The following MKLN1 variants were observed in gnomAD, a reference collection of about 807,000 sequenced individuals.
MKLN1 encodes the protein muskelin.
In MKLN1, 18 loss-of-function variants were observed where a neutral mutation model predicts 99.0. The observed-to-expected ratio is 0.18, with a 90% confidence interval of 0.13 to 0.27. The LOEUF (loss-of-function observed/expected upper bound fraction) is 0.27, where lower values mean the gene tolerates loss of function less well. Ranked by LOEUF, MKLN1 falls within the 10% of genes least tolerant of loss-of-function variation. The probability of loss-of-function intolerance (pLI) is 1.00; values close to 1 mark genes in which losing one functional copy is unlikely to be tolerated. For missense variants in MKLN1, 621 were observed against 875.9 expected (o/e 0.71, Z 3.67); for synonymous variants, 288 against 293.2 (o/e 0.98, Z 0.18).
chr7:131,325,382 C>A (rs183143742), upstream of MKLN1, among the ~76,000 whole-genome samples: 56 of 152,152 alleles, frequency 3.7e-4, no homozygotes, highest in East Asian at 8.3e-3. Context: ...CACCTAATCC[C>A]AGAGCAGGTG....
At chr7:131,280,443 C>T (rs1033627039) in intron 3 of MKLN1, among the ~76,000 whole-genome samples, 1 of 152,162 alleles carries the variant, frequency 6.6e-6, no homozygotes, top group Non-Finnish European at 1.5e-5. Context: ...ATGAGGGTTC[C>T]AGTTTCTCCA....
chr7:131,310,455 T>G (rs1473185371), intron 3 of MKLN1: 2 of 152,246 alleles, frequency 1.3e-5, no homozygotes, highest in African/African-American at 4.8e-5. Context: ...CATTGATTTA[T>G]AGCTGCCATC....
At chr7:131,192,286 ATATATACAATATAT>A in intron 2 of MKLN1, among the ~76,000 whole-genome samples, 1 of 86,162 alleles carries the variant, frequency 1.2e-5, no homozygotes, top group Non-Finnish European at 2.0e-5. Flanking sequence ...AAAATATATA[ATATATACAATATAT>A]AAATATATAA....
intron 1 of MKLN1, among the ~76,000 whole-genome samples, chr7:131,340,907 G>A (rs982711462): frequency 1.3e-5 from 2 of 151,838 alleles, no homozygotes; most frequent in East Asian, 1.9e-4. Context: ...CTAGGGTGGA[G>A]GTATTATATT....
rs377385698 is a variant in MKLN1, at chr7:131,291,976, G to A, written c.-178-83448G>A. On this transcript the variant is annotated intron_variant, in intron 3 of 7. Coordinates refer to the MKLN1 transcript ENST00000416992. ...TTAAAAATTAGCCAGGTGTGGTGGC[G>A]TGCGCCTTAAGTCCTAGCTATTCAG... Among the ~76,000 whole-genome samples the A allele has an allele frequency of 1.2e-4, 19 of 152,006 alleles. No individual in the cohort carries two copies. In the East Asian group the frequency reaches 3.3e-3, roughly 26 times the overall value.
intron 12 of MKLN1, among the ~76,000 whole-genome samples, chr7:131,447,831 A>G (rs907060583): frequency 1.1e-4 from 16 of 152,216 alleles, no homozygotes; most frequent in African/African-American, 3.1e-4. Flanking sequence ...CTAATGTACA[A>G]GATGAAAACA....
rs1794463110 is a variant in MKLN1 at position 131,399,433 on chromosome 7, G to A, written c.703G>A (p.Asp235Asn). Reference protein sequence around the residue: ...CEELIEKAVNDGLFNQYISQQ... With the variant: ...CEELIEKAVNNGLFNQYISQQ... ...AGAGTTGATTGAAAAGGCTGTAAAT[G>A]GTATGAAACTTAGATTGGTTATTAG... Residue 235 changes from aspartate to asparagine, a missense_variant and splice_region_variant, in exon 6 of 18, where the codon GAT becomes AAT. Asp to Asn is a conservative substitution (Grantham distance 23). Transcript: ENST00000352689. 6.2e-7 allele frequency: 1 copy of A among 1,612,296 alleles called. No homozygotes were observed. Among genetic ancestry groups the A allele is most frequent in the African/African-American group, 1.3e-5 (1 of 74,802 alleles).
At chr7:131,399,190 G>GTTATTGT in intron 5 of MKLN1, 51 bp from the exon 6 acceptor site, 1 of 1,474,824 alleles carries the variant, frequency 6.8e-7, no homozygotes, top group Non-Finnish European at 9.5e-7. Flanking sequence ...GTTTCCTACA[G>GTTATTGT]TATCATCTAA....
chr7:131,294,418 T>C (rs571164460), intron 3 of MKLN1, among the ~76,000 whole-genome samples: 5 of 119,544 alleles, frequency 4.2e-5, no homozygotes, highest in Non-Finnish European at 1.0e-4. Context: ...GTGAAGCATA[T>C]AGGCACATTC....
intron 4 of MKLN1, among the ~76,000 whole-genome samples, chr7:131,392,213 T>A (rs187311170): frequency 1.3e-5 from 2 of 152,272 alleles, no homozygotes; most frequent in Admixed American, 1.3e-4. Context: ...GTACAGGGTC[T>A]TGGAAGGATT....
chr7:131,379,812 T>C (rs1355019726), intron 2 of MKLN1, among the ~76,000 whole-genome samples: 2 of 152,238 alleles, frequency 1.3e-5, no homozygotes. Context: ...AAACATCTCA[T>C]GTACCCTGTA....
intron 3 of MKLN1, among the ~76,000 whole-genome samples, chr7:131,269,076 T>A (rs754119114): frequency 6.6e-6 from 1 of 152,230 alleles, no homozygotes; most frequent in South Asian, 2.1e-4. Context: ...TCTCATCAGA[T>A]GGTTCTCATT....
At position 131,158,032 on chromosome 7, in the gene MKLN1, C is replaced by A. The variant is rs919684270; in HGVS notation, c.-297+15091C>A. Among the ~76,000 whole-genome samples the A allele has an allele frequency of 5.9e-5, 9 of 152,194 alleles. 1 individual carries two copies. The highest frequency in any genetic ancestry group is 4.1e-4 in the South Asian group (2 of 4,826). On this transcript the variant is annotated intron_variant, in intron 2 of 7. Coordinates refer to the MKLN1 transcript ENST00000416992. ...CCATGCTGCAGTGGGAAGTGGGCAA[C>A]AATCCTCCGCAAGCTCTTCTGTTTA...
chr7:131,146,225 C>T (rs1795813705), intron 2 of MKLN1, among the ~76,000 whole-genome samples: 1 of 152,018 alleles, frequency 6.6e-6, no homozygotes, highest in African/African-American at 2.4e-5. Context: ...GCTTATAGTC[C>T]CAGATACTGG....
At chr7:131,478,926 A>G (rs1797042524) in intron 17 of MKLN1, 1 of 532,670 alleles carries the variant, frequency 1.9e-6, no homozygotes, top group Non-Finnish European at 3.3e-6. Context: ...AGCAATAGAA[A>G]CACAGTCAAA....
chr7:131,452,591 G>A (rs932082016), intron 12 of MKLN1, among the ~76,000 whole-genome samples: 1 of 116,732 alleles, frequency 8.6e-6, no homozygotes, highest in Non-Finnish European at 1.6e-5. Context: ...CCGCCCTGTC[G>A]CCAGGCTGGA....
At chr7:131,340,401 C>A (rs957534763) in intron 1 of MKLN1, among the ~76,000 whole-genome samples, 2 of 151,614 alleles carry the variant, frequency 1.3e-5, no homozygotes, top group Admixed American at 6.6e-5. Context: ...CCTCAGCCCC[C>A]CCAAGTAGCT....
chr7:131,244,628 A>T (rs954008650), intron 3 of MKLN1, among the ~76,000 whole-genome samples: 1 of 152,160 alleles, frequency 6.6e-6, no homozygotes, highest in African/African-American at 2.4e-5. Context: ...CTGCTCAGTA[A>T]AGTGGTTGGC....
chr7:131,452,742 G>T (rs1796220188), intron 12 of MKLN1, among the ~76,000 whole-genome samples: 1 of 151,670 alleles, frequency 6.6e-6, no homozygotes, highest in African/African-American at 2.4e-5. Context: ...ATAGAGACGG[G>T]GTTTCATCAT....
Sources: allele counts gnomAD v4.1 joint callset (sites outside exome capture counted in the v4.1 genomes callset), GRCh38; gene constraint gnomAD v4.1.1; transcripts MANE v1.5; gene names NCBI Gene and HGNC (gene_info 2026-07-23, HGNC 2026-07-21).